Variants in ITPR1 observed in about 807,000 individuals in gnomAD.
ITPR1 encodes inositol 1,4,5-trisphosphate receptor type 1, also known as inositol 1,4,5-trisphosphate-gated calcium channel ITPR1.
ITPR1 carries 96 observed loss-of-function variants against 318.4 expected under a neutral mutation model. The observed-to-expected ratio is 0.30, with a 90% CI of 0.26 to 0.36. The LOEUF (loss-of-function observed/expected upper bound fraction) is 0.36. Among genes scored for constraint, ITPR1 ranks in the 10% least tolerant of loss-of-function variants. The pLI is 1.00. For missense variants in ITPR1, 2,440 were observed against 3,460.2 expected, an observed-to-expected ratio of 0.71 and a Z score of 7.40; for synonymous variants, 1,312 against 1,289.9, an observed-to-expected ratio of 1.02 and a Z score of -0.37.
At position 4,779,922 on chromosome 3, in the gene ITPR1, C is replaced by A. The variant is rs553799632; in HGVS notation, c.6387+277C>A. Among the ~76,000 whole-genome samples, 12 of 151,496 alleles carry A rather than the reference C, an allele frequency of 7.9e-5. No homozygotes were observed. Among genetic ancestry groups the A allele is most frequent in the Non-Finnish European group, 1.5e-5 (1 of 67,866 alleles). On this transcript the variant is annotated intron_variant, in intron 49 of 61. Coordinates refer to ENST00000649015, the MANE Select transcript of ITPR1 (RefSeq NM_001378452.1). This position sits in a 1 kb window ranked among gnomAD's most constrained non-coding sequence, Gnocchi z 4.0. ...AAACCGCGATTACTTTTGCACCAAC[C>A]TATATGACATTGAATACGTGCTGTT...
At chr3:4,653,969 T>A in intron 12 of ITPR1, 83 bp downstream of exon 12, 1 of 979,998 alleles carries the variant, frequency 1.0e-6, no homozygotes, top group African/African-American at 1.6e-5. Flanking sequence ...AAACTGTCAC[T>A]GTGGTCACGG....
At chr3:4,612,301 A>G (rs947088793) in intron 4 of ITPR1, among the ~76,000 whole-genome samples, 5 of 151,808 alleles carry the variant, frequency 3.3e-5, no homozygotes, top group African/African-American at 1.2e-4. Flanking sequence ...ACCTCAGGTG[A>G]TCCGCCTGCC....
At chr3:4,643,713 C>T (rs757491550) in intron 7 of ITPR1, among the ~76,000 whole-genome samples, 4 of 151,718 alleles carry the variant, frequency 2.6e-5, no homozygotes, top group East Asian at 3.9e-4. Flanking sequence ...CATGTATTTC[C>T]GAATGTTATA....
intron 60 of ITPR1, among the ~76,000 whole-genome samples, chr3:4,824,570 G>T (rs1466413795): frequency 6.6e-6 from 1 of 152,134 alleles, no homozygotes; most frequent in Non-Finnish European, 1.5e-5. Context: ...GTTTGGACTG[G>T]CGCATCTTAG....
intron 51 of ITPR1, among the ~76,000 whole-genome samples, chr3:4,787,019 T>A (rs6801569): frequency 2.8e-4 from 42 of 152,130 alleles, no homozygotes; most frequent in African/African-American, 9.6e-4. Flanking sequence ...TAGCTATGTA[T>A]GGCTATTTAA....
chr3:4,762,050 TAA>T (rs2045489282), intron 44 of ITPR1, among the ~76,000 whole-genome samples: 1 of 151,978 alleles, frequency 6.6e-6, no homozygotes, highest in Non-Finnish European at 1.5e-5. Flanking sequence ...ACGCCCCTTC[TAA>T]GAAGAAGTAT....
chr3:4,500,895 C>T (rs2124874429), intron 2 of ITPR1, among the ~76,000 whole-genome samples: 1 of 152,170 alleles, frequency 6.6e-6, no homozygotes, highest in East Asian at 1.9e-4. Context: ...GCTCTGTTGC[C>T]AAGGCTGGAG....
chr3:4,791,508 T>G (rs1238051449), intron 52 of ITPR1, among the ~76,000 whole-genome samples: 1 of 152,184 alleles, frequency 6.6e-6, no homozygotes, highest in East Asian at 1.9e-4. Flanking sequence ...GAGGCAGAGC[T>G]TAGGTGGTAA....
intron 55 of ITPR1, 33 bp from the exon 56 acceptor site, chr3:4,811,232 G>C (rs879513679): frequency 2.1e-6 from 3 of 1,458,928 alleles, no homozygotes; most frequent in Non-Finnish European, 2.8e-6. Context: ...TAACATCAAG[G>C]CTTCTTAAAA....
intron 39 of ITPR1, among the ~76,000 whole-genome samples, chr3:4,712,750 C>G (rs2041474031): frequency 6.6e-6 from 1 of 152,218 alleles, no homozygotes; most frequent in Non-Finnish European, 1.5e-5. Flanking sequence ...TGCTTTCTAA[C>G]CTATCTGTCA....
intron 34 of ITPR1, among the ~76,000 whole-genome samples, chr3:4,698,035 G>A (rs2094586920): frequency 6.6e-6 from 1 of 152,104 alleles, no homozygotes; most frequent in Non-Finnish European, 1.5e-5. Flanking sequence ...CCTCAAGAGT[G>A]GCCTTAAGAT....
chr3:4,700,982 C>T (rs1340044550), intron 35 of ITPR1, among the ~76,000 whole-genome samples: 1 of 152,166 alleles, frequency 6.6e-6, no homozygotes, highest in Non-Finnish European at 1.5e-5. Flanking sequence ...CAGTTACCTC[C>T]CACCAGGTGT....
chr3:4,748,917 G>C (rs368112286), intron 44 of ITPR1, among the ~76,000 whole-genome samples: 1 of 152,182 alleles, frequency 6.6e-6, no homozygotes, highest in Non-Finnish European at 1.5e-5. Context: ...GCAGACCCTC[G>C]CTGTTCGTAC....
intron 11 of ITPR1, among the ~76,000 whole-genome samples, chr3:4,653,069 G>A (rs1235129461): frequency 3.9e-5 from 6 of 152,178 alleles, no homozygotes; most frequent in Non-Finnish European, 8.8e-5. Context: ...TTTAATTTTT[G>A]TATCAAATGA....
At chr3:4,598,817 C>T (rs529494609) in intron 4 of ITPR1, among the ~76,000 whole-genome samples, 6 of 152,230 alleles carry the variant, frequency 3.9e-5, no homozygotes, top group African/African-American at 1.2e-4. Flanking sequence ...AATTCAGGTG[C>T]AATTTTATGT....
chr3:4,565,669 G>A (rs897819431), intron 4 of ITPR1, among the ~76,000 whole-genome samples: 3 of 152,088 alleles, frequency 2.0e-5, no homozygotes, highest in Admixed American at 2.0e-4. Flanking sequence ...GACGAAGGTC[G>A]GAATGGCTAC....
intron 2 of ITPR1, among the ~76,000 whole-genome samples, chr3:4,507,392 G>A (rs1394101848): frequency 1.3e-5 from 2 of 152,190 alleles, no homozygotes; most frequent in East Asian, 1.9e-4. Context: ...ATTAGAGAGA[G>A]GGAGAAATTG....
intron 33 of ITPR1, among the ~76,000 whole-genome samples, chr3:4,695,013 T>C (rs988478390): frequency 6.6e-6 from 1 of 152,256 alleles, no homozygotes; most frequent in South Asian, 2.1e-4. Context: ...GGTATACTAT[T>C]CTGTACCTTA....
chr3:4,499,486 T>C (rs2080858199), intron 2 of ITPR1, among the ~76,000 whole-genome samples: 2 of 152,106 alleles, frequency 1.3e-5, no homozygotes, highest in East Asian at 1.9e-4. Flanking sequence ...CCCTGATATA[T>C]ATACATATAT....
Sources: gnomAD v4.1 joint callset for allele counts (sites outside exome capture counted in the v4.1 genomes callset) on GRCh38, gnomAD v4.1.1 for gene constraint, Gnocchi (gnomAD v3.1) non-coding constraint, MANE v1.5 for transcripts, NCBI Gene and HGNC (gene_info 2026-07-23, HGNC 2026-07-21) for gene names.